Variants in MRPL52 observed in about 807,000 individuals in gnomAD.
The protein encoded by MRPL52 is large ribosomal subunit protein mL52.
MRPL52 carries 19 observed loss-of-function variants against 22.1 expected under a neutral mutation model. The observed-to-expected ratio is 0.86, with a 90% CI of 0.60 to 1.26. The LOEUF is 1.26. Ranked by LOEUF, MRPL52 falls within the 50% of genes most tolerant of loss-of-function variation. The pLI is 0.00. For missense variants in MRPL52, 152 were observed against 148.1 expected, an observed-to-expected ratio of 1.03 and a Z score of -0.14; for synonymous variants, 50 against 57.5, an observed-to-expected ratio of 0.87 and a Z score of 0.59.
chr14:22,830,874 G>A, intron 3 of MRPL52: 1 of 844,480 alleles, frequency 1.2e-6, no homozygotes, highest in South Asian at 1.6e-5. Context: ...CATACAGCTA[G>A]GTAGTAGCAA....
chr14:22,829,926 G>T lies in MRPL52; in HGVS notation c.14G>T (p.Gly5Val), dbSNP rs1135641. 820,835 of 1,601,162 alleles carry T rather than the reference G, an allele frequency of 0.51. 212,491 individuals carry two copies. The highest frequency in any genetic ancestry group is 0.55 in the East Asian group (24,245 of 44,332). MAAL[G>V]TVLFSVRRLH... ...CTCCTGCTCAGCATGGCTGCTTTAGGGACTGTTCTCTTCAGTGAGTGGGTA... is the reference window on the plus strand; with the variant it reads ...CTCCTGCTCAGCATGGCTGCTTTAGTGACTGTTCTCTTCAGTGAGTGGGTA... The change falls in exon 1 of 5, where the codon GGG becomes GTG. Residue 5 changes from glycine to valine, a missense_variant. By Grantham distance (109) the Gly-to-Val change is moderately radical. Coordinates refer to ENST00000397496, the MANE Select transcript of MRPL52 (RefSeq NM_180982.3).
At chr14:22,830,838 G>T in intron 3 of MRPL52, 1 of 615,016 alleles carries the variant, frequency 1.6e-6, no homozygotes, top group Non-Finnish European at 2.8e-6. Flanking sequence ...GAAATTTGAG[G>T]CCTACAGAAG....
intron 3 of MRPL52, chr14:22,830,855 G>C: frequency 1.4e-6 from 1 of 717,604 alleles, no homozygotes; most frequent in East Asian, 2.7e-5. Context: ...GAAGTGAATT[G>C]CACATGATCA....
intron 3 of MRPL52, chr14:22,831,186 C>T: frequency 3.6e-6 from 2 of 560,654 alleles, no homozygotes; most frequent in Non-Finnish European, 6.1e-6. Flanking sequence ...GATCATCGCT[C>T]ACTGCAGCCT....
At chr14:22,830,145 A>T (rs778187924) in intron 2 of MRPL52, 35 bp downstream of exon 2, 3 of 1,614,136 alleles carry the variant, frequency 1.9e-6, no homozygotes, top group South Asian at 1.1e-5. Context: ...GGGGGACCAG[A>T]AGCTGGGCTA....
At chr14:22,830,924 C>G in intron 3 of MRPL52, 1 of 1,377,686 alleles carries the variant, frequency 7.3e-7, no homozygotes, top group Non-Finnish European at 9.9e-7. Context: ...CTTGACAACA[C>G]AGAGATCTGA....
chr14:22,834,111 G>C, intron 4 of MRPL52, 61 bp from the exon 5 acceptor site: 11 of 1,562,438 alleles, frequency 7.0e-6, no homozygotes, highest in Non-Finnish European at 9.6e-6. Context: ...TAAGTGGAAG[G>C]ATATATAGTA....
intron 3 of MRPL52, chr14:22,830,514 G>C (rs914654095): frequency 5.4e-5 from 28 of 513,988 alleles, no homozygotes; most frequent in African/African-American, 4.9e-4. Context: ...AGGGTGGAAG[G>C]GGGTGACAAG....
chr14:22,830,669 G>A (rs1180025357), intron 3 of MRPL52: 2 of 394,850 alleles, frequency 5.1e-6, no homozygotes, highest in Non-Finnish European at 9.1e-6. Context: ...GGGGTAGAAG[G>A]ATGAAGACTA....
rs1054522330 is a variant in MRPL52 at position 22,830,095 on chromosome 14, G to C, written c.71G>C (p.Gly24Ala). Residue 24 changes from glycine to alanine, a missense_variant, in exon 2 of 5, where the codon GGC becomes GCC. By Grantham distance (60) the Gly-to-Ala change is moderately conservative (BLOSUM62 0). Transcript: ENST00000397496. The part of the protein sequence containing the change: ...LHCSVAAWAG[G>A]QWRLQQGLAA... The stretch of plus-strand genomic sequence containing the variant: ...TGCAGCGTAGCCGCTTGGGCGGGCG[G>C]CCAGTGGCGACTACAGTGAGTCCTG... The C allele has an allele frequency of 1.9e-6, 3 of 1,614,220 alleles. No individual in the cohort carries two copies. The highest frequency in any genetic ancestry group is 2.5e-6 in the Non-Finnish European group (3 of 1,180,020).
chr14:22,831,063 G>A (rs906312989), intron 3 of MRPL52: 9 of 851,764 alleles, frequency 1.1e-5, no homozygotes, highest in Non-Finnish European at 1.5e-5. Flanking sequence ...TCTCCTTGTA[G>A]TAGTATGGAC....
intron 3 of MRPL52, chr14:22,831,274 G>A (rs1299702331): frequency 2.3e-6 from 1 of 439,624 alleles, no homozygotes; most frequent in Non-Finnish European, 4.0e-6. Context: ...CACCATTCCT[G>A]GCTAATTTTT....
chr14:22,831,037 T>C lies in MRPL52; in HGVS notation c.154+783T>C, dbSNP rs1381441448. On this transcript the variant is annotated intron_variant, in intron 3 of 4. Transcript: ENST00000397496. ...AAGATTTTTTCTACTTGTTATTTAC[T>C]GTAAGAAGCCTGGCATCTCCTTGTA... 13 of 1,500,496 alleles carry C rather than the reference T, an allele frequency of 8.7e-6. No individual in the cohort carries two copies. In the East Asian group the frequency reaches 2.0e-4, roughly 23 times the overall value. The allele number at this position is 1,500,496 out of a possible 1,614,324, so 92.9% of individuals were successfully genotyped here. A position where few individuals can be genotyped will look rare whatever the true frequency, so the allele number is the denominator to read the frequency against.
At chr14:22,833,505 A>T (rs1566476623) in intron 4 of MRPL52, 23 bp downstream of exon 4, 1 of 1,577,526 alleles carries the variant, frequency 6.3e-7, no homozygotes, top group East Asian at 2.2e-5. Context: ...AGCAACAGCC[A>T]GGGCTACCTG....
rs112069062 is a variant in MRPL52 at position 22,833,556 on chromosome 14, T to C, written c.219+74T>C. 3.1e-5 allele frequency: 35 copies of C among 1,112,840 alleles called. No individual in the cohort carries two copies. The Middle Eastern group carries it at 9.8e-4, about 31-fold the overall frequency. 68.9% of individuals were successfully genotyped at this position (1,112,840 alleles called of 1,614,324 possible). ...AATCATAATTTGTCTTGAGCTGTGT[T>C]GCACCTAAGCAAACATGTACCCCTC... On this transcript the variant is annotated intron_variant, in intron 4 of 4. Coordinates refer to ENST00000397496, the MANE Select transcript of MRPL52 (RefSeq NM_180982.3).
chr14:22,830,500 C>T (rs182531260), intron 3 of MRPL52: 2 of 520,338 alleles, frequency 3.8e-6, no homozygotes, highest in Admixed American at 3.6e-5. Context: ...GACTTGGGGC[C>T]GCCAGGGTGG....
chr14:22,833,534 C>A (rs763100966), intron 4 of MRPL52, 52 bp downstream of exon 4: 1 of 1,371,824 alleles, frequency 7.3e-7, no homozygotes, highest in South Asian at 1.2e-5. Flanking sequence ...ACATTTAAAT[C>A]ATAATTTGTC....
intron 3 of MRPL52, chr14:22,831,105 G>GTTTTTTTT (rs1566474798): frequency 1.2e-3 from 125 of 100,802 alleles, no homozygotes; most frequent in South Asian, 3.4e-3. Flanking sequence ...ACATATGACT[G>GTTTTTTTT]CTTTTTTTTT....
intron 3 of MRPL52, 33 bp downstream of exon 3, chr14:22,830,287 G>A: frequency 1.2e-6 from 2 of 1,612,978 alleles, no homozygotes; most frequent in Non-Finnish European, 1.7e-6. Context: ...ACTCCACTGG[G>A]GAGATTTTCA....
Sources: allele counts gnomAD v4.1 joint callset, GRCh38; gene constraint gnomAD v4.1.1; transcripts MANE v1.5; gene names NCBI Gene and HGNC (gene_info 2026-07-23, HGNC 2026-07-21).